The following CORO2B variants were observed in gnomAD, a reference collection of about 807,000 sequenced individuals.
The protein encoded by CORO2B is coronin 2B, also known as coronin-2B.
CORO2B carries 26 observed loss-of-function variants against 58.8 expected under a neutral mutation model. The observed-to-expected ratio is 0.44, with a 90% confidence interval of 0.32 to 0.61. The LOEUF (loss-of-function observed/expected upper bound fraction) is 0.61. Ranked by LOEUF, CORO2B falls within the 20% of genes least tolerant of loss-of-function variation. CORO2B has a pLI of 0.04. For missense variants in CORO2B, 460 were observed against 645.1 expected (o/e 0.71, Z 3.11); for synonymous variants, 242 against 253.8 (o/e 0.95, Z 0.44).
chr15:68,620,002 C>G (rs1900472521), intron 1 of CORO2B, among the ~76,000 whole-genome samples: 1 of 152,108 alleles, frequency 6.6e-6, no homozygotes, highest in African/African-American at 2.4e-5. Flanking sequence ...GCCTTTGCTT[C>G]CCGGGTTCAA....
At chr15:68,557,936 C>A in the CORO2B span, among the ~76,000 whole-genome samples, 1 of 152,214 alleles carries the variant, frequency 6.6e-6, no homozygotes, top group Non-Finnish European at 1.5e-5. Flanking sequence ...TAATATATTA[C>A]GTCTGTCCAG....
chr15:68,693,683 C>A (rs1892441312), intron 2 of CORO2B, among the ~76,000 whole-genome samples: 1 of 152,214 alleles, frequency 6.6e-6, no homozygotes, highest in South Asian at 2.1e-4. Context: ...GGACTCACCC[C>A]CTCCCAGGAA....
rs528162340 is a variant in CORO2B at position 68,710,538 on chromosome 15, A to G, written c.334-194A>G. Among the ~76,000 whole-genome samples, 1 of 152,274 alleles carries G rather than the reference A, an allele frequency of 6.6e-6. No homozygotes were observed. The highest frequency in any genetic ancestry group is 1.9e-4 in the East Asian group (1 of 5,174). On this transcript the variant is annotated intron_variant, in intron 3 of 11. Coordinates refer to ENST00000261861, the MANE Select transcript of CORO2B (RefSeq NM_006091.5). This position sits in a 1 kb window ranked among gnomAD's most constrained non-coding sequence, Gnocchi z 4.1. ...GAGAAAACCTCCCACAGGCAGAGAG[A>G]TGGTCTCCTTCCTCTCCAGCCACAC... is the stretch of plus-strand genomic sequence containing the variant.
chr15:68,713,951 G>T lies in CORO2B; in HGVS notation c.675G>T (p.Val225=). 6.2e-7 allele frequency: 1 copy of T among 1,614,134 alleles called. No homozygotes were observed. Among genetic ancestry groups the T allele is most frequent in the Non-Finnish European group, 8.5e-7 (1 of 1,180,008 alleles). ...LQEANCKNHR[V]NRVVFLGNMK... is the part of the protein sequence containing the mutation. ...AGGCCAACTGCAAAAACCACAGAGT[G>T]AACCGGGTGGTGTTCCTGGGGAACA... Residue 225 remains valine, a synonymous_variant, in exon 6 of 12, where the codon GTG becomes GTT. Coordinates refer to ENST00000261861, the MANE Select transcript of CORO2B (RefSeq NM_006091.5).
chr15:68,651,100 G>T (rs1401305832), intron 2 of CORO2B, among the ~76,000 whole-genome samples: 1 of 152,216 alleles, frequency 6.6e-6, no homozygotes, highest in African/African-American at 2.4e-5. Flanking sequence ...TCCGTGGGAG[G>T]GTGAGGCAGC....
chr15:68,525,509 C>CT, the CORO2B span, among the ~76,000 whole-genome samples: 1 of 152,120 alleles, frequency 6.6e-6, no homozygotes, highest in Non-Finnish European at 1.5e-5. Flanking sequence ...TTGACAGAGC[C>CT]TTTTGCAGGG....
intron 1 of CORO2B, among the ~76,000 whole-genome samples, chr15:68,639,244 A>G (rs1272189982): frequency 6.6e-6 from 1 of 152,210 alleles, no homozygotes; most frequent in East Asian, 1.9e-4. Flanking sequence ...CAGAGTCACT[A>G]TGAGGCTCAG....
At chr15:68,674,626 G>C (rs1902515221) in intron 2 of CORO2B, among the ~76,000 whole-genome samples, 1 of 152,162 alleles carries the variant, frequency 6.6e-6, no homozygotes, top group Admixed American at 6.5e-5. Flanking sequence ...TGGAAGAGTA[G>C]GGGCCCTGAC....
At chr15:68,671,085 T>C (rs1048079460) in intron 2 of CORO2B, among the ~76,000 whole-genome samples, 4 of 152,186 alleles carry the variant, frequency 2.6e-5, no homozygotes, top group Non-Finnish European at 4.4e-5. Flanking sequence ...GGTATTGTAG[T>C]ACAGCCACAC....
intron 8 of CORO2B, among the ~76,000 whole-genome samples, chr15:68,717,360 G>T (rs573557833): frequency 9.9e-5 from 15 of 152,214 alleles, no homozygotes; most frequent in African/African-American, 3.1e-4. Context: ...GAATGGATTT[G>T]GGAGGGGCAG....
chr15:68,684,837 G>T (rs528354513), intron 2 of CORO2B, among the ~76,000 whole-genome samples: 20 of 152,302 alleles, frequency 1.3e-4, no homozygotes, highest in Admixed American at 7.8e-4. Flanking sequence ...TGGGACACAG[G>T]GAGCCCGATC....
intron 1 of CORO2B, among the ~76,000 whole-genome samples, chr15:68,629,113 G>A (rs576189094): frequency 1.2e-4 from 19 of 152,382 alleles, no homozygotes; most frequent in South Asian, 1.2e-3. Flanking sequence ...ATGCTGGGGA[G>A]TGCCGAATGT....
intron 2 of CORO2B, among the ~76,000 whole-genome samples, chr15:68,659,609 C>T (rs1164959461): frequency 6.6e-6 from 1 of 152,066 alleles, no homozygotes; most frequent in East Asian, 1.9e-4. Context: ...AATATATTTA[C>T]TATTCATTAA....
intron 1 of CORO2B, among the ~76,000 whole-genome samples, chr15:68,600,934 G>A (rs1270087727): frequency 6.6e-6 from 1 of 152,160 alleles, no homozygotes; most frequent in East Asian, 1.9e-4. Context: ...CTGATTCTCG[G>A]TTTCTAGAAA....
chr15:68,722,749 G>GTTT (rs1257293895), intron 11 of CORO2B, among the ~76,000 whole-genome samples: 4 of 152,196 alleles, frequency 2.6e-5, no homozygotes, highest in Admixed American at 6.5e-5. Flanking sequence ...ATTTTTTTAA[G>GTTT]TTATATTTTT....
chr15:68,725,994 T>C lies in CORO2B; in HGVS notation c.*20T>C. 1 of 1,611,454 alleles carries C rather than the reference T, an allele frequency of 6.2e-7. No individual in the cohort carries two copies. The highest frequency in any genetic ancestry group is 2.2e-5 in the East Asian group (1 of 44,856). On this transcript the variant is annotated 3_prime_UTR_variant, in exon 12 of 12. Coordinates refer to ENST00000261861, the MANE Select transcript of CORO2B (RefSeq NM_006091.5). ...TGTTAGCTCCCCAGCTGGGCTGTTT[T>C]CTAAGCCGATCTCTCCGTCGTTTCT...
upstream of CORO2B, among the ~76,000 whole-genome samples, chr15:68,578,079 G>C (rs970707401): frequency 1.3e-5 from 2 of 152,168 alleles, no homozygotes; most frequent in Non-Finnish European, 2.9e-5. This position sits in a 1 kb window ranked among gnomAD's most constrained non-coding sequence, Gnocchi z 4.2. Context: ...GCTTGGGAGG[G>C]AGACTCCTTT....
chr15:68,662,015 A>C (rs1902029939), intron 2 of CORO2B, among the ~76,000 whole-genome samples: 1 of 150,708 alleles, frequency 6.6e-6, no homozygotes, highest in Non-Finnish European at 1.5e-5. Flanking sequence ...TCAATAAATA[A>C]ATAAATAAAT....
the CORO2B span, among the ~76,000 whole-genome samples, chr15:68,562,029 G>A: frequency 6.6e-6 from 1 of 152,300 alleles, no homozygotes; most frequent in South Asian, 2.1e-4. Context: ...GGCCAACTGG[G>A]ACAAGCTCCT....
Sources: allele counts gnomAD v4.1 joint callset (sites outside exome capture counted in the v4.1 genomes callset), GRCh38; gene constraint gnomAD v4.1.1; non-coding constraint Gnocchi (gnomAD v3.1); transcripts MANE v1.5; gene names NCBI Gene and HGNC (gene_info 2026-07-23, HGNC 2026-07-21).